USP9Y: variants seen among roughly 807,000 people sequenced by gnomAD.
The protein encoded by USP9Y is ubiquitin specific peptidase 9 Y-linked.
USP9Y carries 41 observed loss-of-function variants against 53.1 expected under a neutral mutation model. That is an observed-to-expected ratio of 0.77 (90% CI 0.60 to 1.00). USP9Y has a LOEUF of 1.00. USP9Y is among the 50% of genes least tolerant of loss of function. USP9Y has a pLI of 0.00. For synonymous variants in USP9Y, 220 were observed against 173.7 expected, an observed-to-expected ratio of 1.27 and a Z score of -2.09; for missense variants, 567 against 535.8, an observed-to-expected ratio of 1.06 and a Z score of -0.58.
chrY:12,720,194 TC>T (rs2053434358), intron 3 of USP9Y, among the ~76,000 whole-genome samples: 1 of 33,181 alleles, frequency 3.0e-5, no homozygotes, highest in African/African-American at 1.2e-4. Context: ...GGTCAGGAGT[TC>T]CAGACCAGCC....
intron 33 of USP9Y, among the ~76,000 whole-genome samples, chrY:12,819,897 G>T: frequency 3.1e-5 from 1 of 31,776 alleles, no homozygotes; most frequent in East Asian, 8.2e-4. Flanking sequence ...ACTTTGGGAG[G>T]CCAAGGCAAA....
intron 33 of USP9Y, among the ~76,000 whole-genome samples, chrY:12,825,816 A>C: frequency 3.0e-5 from 1 of 33,795 alleles, no homozygotes; most frequent in East Asian, 7.7e-4. Context: ...AGAGCATCAC[A>C]GTAATAACTG....
intron 34 of USP9Y, 38 bp downstream of exon 34, chrY:12,833,899 TG>T (rs766174175): frequency 1.1e-5 from 4 of 362,878 alleles, no homozygotes; most frequent in Non-Finnish European, 1.6e-5. Context: ...TACTTCGTGT[TG>T]TTTTTTTTTT....
At chrY:12,756,512 T>C (rs2053468701) in intron 12 of USP9Y, among the ~76,000 whole-genome samples, 1 of 33,136 alleles carries the variant, frequency 3.0e-5, no homozygotes, top group African/African-American at 1.2e-4. Context: ...TCCTTATATT[T>C]AGAAGTCTCT....
At chrY:12,741,574 T>C in intron 12 of USP9Y, among the ~76,000 whole-genome samples, 2 of 33,611 alleles carry the variant, frequency 6.0e-5, no homozygotes, top group African/African-American at 2.3e-4. Context: ...TGGCATAATT[T>C]TTCATTTTTG....
chrY:12,842,187 A>G, intron 37 of USP9Y, 53 bp from the exon 38 acceptor site: 1 of 347,141 alleles, frequency 2.9e-6, no homozygotes, highest in Non-Finnish European at 4.2e-6. Context: ...CCATGTACCA[A>G]GCAAAATAAA....
intron 42 of USP9Y, among the ~76,000 whole-genome samples, chrY:12,854,893 T>A: frequency 2.9e-5 from 1 of 33,969 alleles, no homozygotes; most frequent in Non-Finnish European, 7.3e-5. Flanking sequence ...TTGAGTTTAT[T>A]CAGTAAACAG....
At chrY:12,707,180 G>A (rs2053419988) in intron 1 of USP9Y, among the ~76,000 whole-genome samples, 8 of 33,395 alleles carry the variant, frequency 2.4e-4, no homozygotes, top group Admixed American at 2.2e-3. Context: ...GTGCAATGGC[G>A]CAATCTCGGC....
intron 33 of USP9Y, 127 bp from the exon 34 acceptor site, chrY:12,833,559 ATG>A (rs2053552197): frequency 4.9e-6 from 1 of 204,732 alleles, no homozygotes; most frequent in Admixed American, 9.3e-5. Flanking sequence ...TCTGCAAACA[ATG>A]TGCGTTTCTC....
chrY:12,778,544 T>A, intron 20 of USP9Y, 62 bp from the exon 21 acceptor site: 1 of 356,668 alleles, frequency 2.8e-6, no homozygotes, highest in Non-Finnish European at 4.1e-6. Context: ...ATGTATCTAG[T>A]TCCCATTACT....
intron 3 of USP9Y, among the ~76,000 whole-genome samples, chrY:12,715,424 T>C: frequency 3.3e-5 from 1 of 30,047 alleles, no homozygotes; most frequent in African/African-American, 1.3e-4. Flanking sequence ...GTTCAAGCAA[T>C]TCTCTGCCTC....
At chrY:12,716,302 A>G in intron 3 of USP9Y, among the ~76,000 whole-genome samples, 1 of 34,230 alleles carries the variant, frequency 2.9e-5, no homozygotes, top group Non-Finnish European at 7.3e-5. Flanking sequence ...TGAGATGACC[A>G]TTGTATATTT....
chrY:12,840,670 G>T, intron 36 of USP9Y, 56 bp downstream of exon 36: 1 of 339,345 alleles, frequency 2.9e-6, no homozygotes, highest in Non-Finnish European at 4.2e-6. Context: ...TGGCTTCTAG[G>T]ATACCTTACA....
chrY:12,772,111 T>C, intron 16 of USP9Y, among the ~76,000 whole-genome samples: 2 of 33,272 alleles, frequency 6.0e-5, no homozygotes, highest in Admixed American at 2.8e-4. Flanking sequence ...CTATAAGAGC[T>C]AATGCCGGCT....
chrY:12,824,380 T>G, intron 33 of USP9Y, among the ~76,000 whole-genome samples: 1 of 32,933 alleles, frequency 3.0e-5, no homozygotes, highest in Non-Finnish European at 7.5e-5. Flanking sequence ...AATAATAGTA[T>G]CCCAATTGTG....
At position 12,722,197 on chromosome Y, in the gene USP9Y, G is replaced by A; in HGVS notation, c.325+10G>A. ...GATCTTAGTGTAAAAGGTGAGTGTG[G>A]ATGTACATTTTCTATAATACGTGCT... On this transcript the variant is annotated intron_variant, in intron 5 of 45. Transcript: ENST00000338981. 2.6e-6 allele frequency: 1 copy of A among 383,104 alleles called. No homozygotes were observed. The highest frequency in any genetic ancestry group is 7.5e-5 in the Admixed American group (1 of 13,384).
intron 13 of USP9Y, among the ~76,000 whole-genome samples, 187 bp from the exon 14 acceptor site, chrY:12,758,319 T>A (rs2053471423): frequency 2.9e-5 from 1 of 33,923 alleles, no homozygotes; most frequent in Non-Finnish European, 7.3e-5. Context: ...TACATTTTGG[T>A]GTTTTCTTTA....
At chrY:12,729,044 G>A in intron 7 of USP9Y, among the ~76,000 whole-genome samples, 1 of 33,557 alleles carries the variant, frequency 3.0e-5, no homozygotes, top group African/African-American at 1.2e-4. Context: ...GGGTTAACAG[G>A]TGCTCACCAC....
intron 15 of USP9Y, among the ~76,000 whole-genome samples, chrY:12,763,969 G>T (rs775991517): frequency 0.058 from 1,867 of 32,215 alleles, no homozygotes; most frequent in Non-Finnish European, 5.3e-3. Flanking sequence ...TACTGTGCCT[G>T]TCCTTACCTC....
Sources: gnomAD v4.1 joint callset for allele counts (sites outside exome capture counted in the v4.1 genomes callset) on GRCh38, gnomAD v4.1.1 for gene constraint, MANE v1.5 for transcripts, NCBI Gene and HGNC (gene_info 2026-07-23, HGNC 2026-07-21) for gene names.